MAGI1: variants seen among roughly 807,000 people sequenced by gnomAD.
MAGI1 encodes membrane-associated guanylate kinase, WW and PDZ domain-containing protein 1.
A neutral mutation model predicts 139.9 loss-of-function variants in MAGI1; 58 were observed. That is an observed-to-expected ratio of 0.41 (90% CI 0.34 to 0.52). MAGI1 has a LOEUF of 0.52. Among genes scored for constraint, MAGI1 ranks in the 20% least tolerant of loss-of-function variants. The pLI is 0.12. For synonymous variants in MAGI1, 812 were observed against 737.9 expected (o/e 1.10, Z -1.63); for missense variants, 1,874 against 1,901.6 (o/e 0.99, Z 0.27).
At position 65,919,841 on chromosome 3, in the gene MAGI1, G is replaced by C. The variant is rs1385317660; in HGVS notation, c.313+118155C>G. ...CTTCCTGATATCTAACTACTGCTTT[G>C]AACACTAGAACTCTCAGTTTTAGCC... is the stretch of plus-strand genomic sequence containing the variant. On this transcript the variant is annotated intron_variant, in intron 1 of 22. Coordinates refer to ENST00000402939, the MANE Select transcript of MAGI1 (RefSeq NM_001033057.2). Among the ~76,000 whole-genome samples the C allele has an allele frequency of 2.0e-5, 3 of 152,038 alleles. No individual in the cohort carries two copies. The East Asian group carries it at 5.8e-4, about 29-fold the overall frequency.
chr3:65,576,479 G>A (rs1354227396), intron 2 of MAGI1, among the ~76,000 whole-genome samples: 1 of 152,190 alleles, frequency 6.6e-6, no homozygotes, highest in Non-Finnish European at 1.5e-5. Context: ...TACAAATGGT[G>A]AACCCGCTCT....
chr3:65,584,448 G>A (rs997840402), intron 2 of MAGI1, among the ~76,000 whole-genome samples: 4 of 152,158 alleles, frequency 2.6e-5, no homozygotes, highest in African/African-American at 7.2e-5. Context: ...AGACCTGAGC[G>A]ATAAGCAGTG....
intron 5 of MAGI1, among the ~76,000 whole-genome samples, chr3:65,461,571 CT>C (rs1474055050): frequency 6.7e-6 from 1 of 150,232 alleles, no homozygotes; most frequent in East Asian, 2.0e-4. Flanking sequence ...TCACTGCAAG[CT>C]CCGCCTCCCG....
intron 1 of MAGI1, among the ~76,000 whole-genome samples, chr3:66,031,299 A>G (rs1344953435): frequency 6.6e-6 from 1 of 152,230 alleles, no homozygotes. Context: ...GGTGCTTTGC[A>G]TTAAATAACC....
intron 1 of MAGI1, among the ~76,000 whole-genome samples, chr3:65,871,619 G>C (rs900256216): frequency 5.9e-5 from 9 of 152,242 alleles, no homozygotes; most frequent in Non-Finnish European, 1.3e-4. Context: ...CAGGTGGAGT[G>C]AGGTGGAGGG....
chr3:65,603,397 G>T (rs1230801498), intron 2 of MAGI1, among the ~76,000 whole-genome samples: 1 of 152,086 alleles, frequency 6.6e-6, no homozygotes, highest in Non-Finnish European at 1.5e-5. Context: ...TCACGATGCT[G>T]CTTCCATTTT....
intron 6 of MAGI1, among the ~76,000 whole-genome samples, chr3:65,449,938 G>GTA (rs965433416): frequency 2.6e-5 from 4 of 152,296 alleles, no homozygotes; most frequent in African/African-American, 9.6e-5. Context: ...ATTCCCTGAA[G>GTA]TATAACCTGA....
chr3:65,508,131 C>T (rs914758780), intron 2 of MAGI1, among the ~76,000 whole-genome samples: 4 of 152,136 alleles, frequency 2.6e-5, no homozygotes, highest in African/African-American at 4.8e-5. Flanking sequence ...CGGCCGGGCG[C>T]GGTGGCTCAC....
At chr3:65,803,566 G>A (rs1485160103) in intron 1 of MAGI1, among the ~76,000 whole-genome samples, 2 of 152,040 alleles carry the variant, frequency 1.3e-5, no homozygotes, top group African/African-American at 4.8e-5. Flanking sequence ...TTAATTTTAG[G>A]TTCAGGGGTA....
chr3:65,534,895 T>C (rs974286888), intron 2 of MAGI1, among the ~76,000 whole-genome samples: 3 of 151,824 alleles, frequency 2.0e-5, no homozygotes, highest in Non-Finnish European at 4.4e-5. Flanking sequence ...ACGGGGTGAG[T>C]TTGTTCAACC....
intron 2 of MAGI1, among the ~76,000 whole-genome samples, chr3:65,619,238 TGCTTCATCTTTTG>T (rs1044396177): frequency 3.3e-5 from 5 of 152,206 alleles, no homozygotes; most frequent in African/African-American, 1.2e-4. Context: ...TCAATTTTGT[TGCTTCATCTTTTG>T]GCCAGTAAAA....
At chr3:65,733,160 G>A (rs193122496) in intron 1 of MAGI1, among the ~76,000 whole-genome samples, 1 of 152,146 alleles carries the variant, frequency 6.6e-6, no homozygotes, top group East Asian at 1.9e-4. Flanking sequence ...CTGGGTTCAA[G>A]CAATTCTCCT....
intron 3 of MAGI1, 57 bp downstream of exon 3, chr3:65,493,455 G>A (rs1016517673): frequency 6.2e-7 from 1 of 1,609,004 alleles, no homozygotes; most frequent in Middle Eastern, 1.7e-4. Context: ...GGATGGCTCT[G>A]GCTCCTCTCA....
At chr3:65,684,968 T>C (rs2087900708) in intron 1 of MAGI1, among the ~76,000 whole-genome samples, 2 of 139,996 alleles carry the variant, frequency 1.4e-5, no homozygotes, top group Non-Finnish European at 3.0e-5. Flanking sequence ...TCCACCAGCC[T>C]CAGCCTTCCA....
At chr3:66,020,142 A>C (rs1360903275) in intron 1 of MAGI1, among the ~76,000 whole-genome samples, 2 of 152,218 alleles carry the variant, frequency 1.3e-5, no homozygotes, top group African/African-American at 4.8e-5. Flanking sequence ...ATCCATCTGC[A>C]AATAAGAGCC....
At chr3:65,369,132 C>G (rs921727451) in intron 18 of MAGI1, among the ~76,000 whole-genome samples, 1 of 152,168 alleles carries the variant, frequency 6.6e-6, no homozygotes, top group Non-Finnish European at 1.5e-5. Flanking sequence ...CTGCCCTCCC[C>G]CATTGTCCAC....
rs180821495 is a variant in MAGI1, at chr3:65,757,914, A to G, written c.314-135826T>C. Reference sequence around the variant, plus strand: ...TGTATCACCCAATTTCCCTTAAACAATAGAGACACATAATCTTCTCTAGAG... The same window carrying G: ...TGTATCACCCAATTTCCCTTAAACAGTAGAGACACATAATCTTCTCTAGAG... On this transcript the variant is annotated intron_variant, in intron 1 of 22. Transcript: ENST00000402939. 5.3e-5 allele frequency among the ~76,000 whole-genome samples: 8 copies of G among 152,338 alleles called. No individual in the cohort carries two copies. In the East Asian group the frequency reaches 1.5e-3, roughly 29 times the overall value.
At chr3:65,761,273 T>C (rs996547793) in intron 1 of MAGI1, among the ~76,000 whole-genome samples, 1 of 152,124 alleles carries the variant, frequency 6.6e-6, no homozygotes, top group Non-Finnish European at 1.5e-5. Context: ...GCCACCTGAT[T>C]GTGAACTAAA....
chr3:65,963,182 G>A (rs2064538941), intron 1 of MAGI1, among the ~76,000 whole-genome samples: 1 of 151,126 alleles, frequency 6.6e-6, no homozygotes, highest in Non-Finnish European at 1.5e-5. Context: ...AGCTGGGAGT[G>A]GCATTTGTAG....
Sources: gnomAD v4.1 joint callset for allele counts (sites outside exome capture counted in the v4.1 genomes callset) on GRCh38, gnomAD v4.1.1 for gene constraint, MANE v1.5 for transcripts, NCBI Gene and HGNC (gene_info 2026-07-23, HGNC 2026-07-21) for gene names.